CADPS: variants seen among roughly 807,000 people sequenced by gnomAD.
CADPS encodes calcium dependent secretion activator.
A neutral mutation model predicts 167.3 loss-of-function variants in CADPS; 57 were observed. The ratio of observed to expected loss-of-function variants is 0.34; its 90% CI spans 0.28 to 0.42. The LOEUF (loss-of-function observed/expected upper bound fraction) is 0.42. Among genes scored for constraint, CADPS ranks in the 20% least tolerant of loss-of-function variants. CADPS has a pLI of 1.00. For synonymous variants in CADPS, 676 were observed against 635.3 expected (o/e 1.06, Z -0.96); for missense variants, 1,414 against 1,738.1 (o/e 0.81, Z 3.32).
chr3:62,491,254 C>A (rs1020082845), intron 21 of CADPS, 85 bp downstream of exon 21: 1 of 1,348,176 alleles, frequency 7.4e-7, no homozygotes, highest in South Asian at 1.3e-5. Flanking sequence ...ACAGTGAAAC[C>A]CATATGACAT....
rs1300746155 is a variant in CADPS at position 62,790,365 on chromosome 3, T to C, written c.442-24381A>G. ...ACTACTGATACAAGAGAAATTACTT[T>C]ATAAATATTGTAGCCCTATTCATTT... On this transcript the variant is annotated intron_variant, in intron 1 of 29. Coordinates refer to ENST00000383710, the MANE Select transcript of CADPS (RefSeq NM_003716.4). 2.0e-5 allele frequency among the ~76,000 whole-genome samples: 3 copies of C among 152,216 alleles called. No individual in the cohort carries two copies. The East Asian group carries it at 5.8e-4, about 29-fold the overall frequency.
chr3:62,567,774 C>G (rs1056621723), intron 9 of CADPS, among the ~76,000 whole-genome samples: 1 of 151,682 alleles, frequency 6.6e-6, no homozygotes, highest in East Asian at 1.9e-4. Context: ...GGGTTTTCAC[C>G]ATGTTGCCCA....
chr3:62,703,033 T>C (rs2081688410), intron 3 of CADPS, among the ~76,000 whole-genome samples: 1 of 152,126 alleles, frequency 6.6e-6, no homozygotes, highest in South Asian at 2.1e-4. Context: ...CCGGAGCCCA[T>C]GTTCTCGACT....
chr3:62,612,213 G>A (rs2061599722), intron 6 of CADPS, among the ~76,000 whole-genome samples: 1 of 152,020 alleles, frequency 6.6e-6, no homozygotes, highest in African/African-American at 2.4e-5. Context: ...AAATTATTTG[G>A]GCTTCAGTTT....
intron 1 of CADPS, among the ~76,000 whole-genome samples, chr3:62,837,465 G>C (rs1194616655): frequency 6.6e-6 from 1 of 152,184 alleles, no homozygotes; most frequent in African/African-American, 2.4e-5. Context: ...GTCCAAAAAA[G>C]AAAGATGGAG....
At chr3:62,559,485 G>A (rs1034056229) in intron 9 of CADPS, among the ~76,000 whole-genome samples, 20 of 151,898 alleles carry the variant, frequency 1.3e-4, no homozygotes, top group South Asian at 6.2e-4. Context: ...CTGCTGGAAC[G>A]GTCCCATGGG....
At chr3:62,404,819 C>T (rs1433132061) in intron 28 of CADPS, 1 of 142,818 alleles carries the variant, frequency 7.0e-6, no homozygotes, top group Non-Finnish European at 1.5e-5. Flanking sequence ...CAGTTCACTC[C>T]ATGGAGGCAG....
chr3:62,683,038 A>T (rs565265563), intron 3 of CADPS, among the ~76,000 whole-genome samples: 2 of 152,062 alleles, frequency 1.3e-5, no homozygotes, highest in African/African-American at 2.4e-5. Context: ...GCCAGAGGAA[A>T]TGTTGGAAGC....
rs1010611295 is a variant in CADPS at position 62,446,180 on chromosome 3, T to C, written c.3637-383A>G. 3.9e-5 allele frequency among the ~76,000 whole-genome samples: 6 copies of C among 152,214 alleles called. No individual in the cohort carries two copies. The highest frequency in any genetic ancestry group is 7.4e-5 in the Non-Finnish European group (5 of 68,022). On this transcript the variant is annotated intron_variant, in intron 26 of 29. Transcript: ENST00000383710. The surrounding 1 kb of genome is among the most constrained non-coding windows in gnomAD (Gnocchi z 4.9). ...ACCTTGGGTCTTTGTGTAATTTGGCTGCAGGTTGTCCTAACTAAATAACTA... is the reference window on the plus strand; with the variant it reads ...ACCTTGGGTCTTTGTGTAATTTGGCCGCAGGTTGTCCTAACTAAATAACTA...
At position 62,575,534 on chromosome 3, in the gene CADPS, T is replaced by C. The variant is rs528875508; in HGVS notation, c.1578-4596A>G. 3.9e-5 allele frequency among the ~76,000 whole-genome samples: 6 copies of C among 152,344 alleles called. No homozygotes were observed. In the South Asian group the frequency reaches 1.2e-3, roughly 32 times the overall value. On this transcript the variant is annotated intron_variant, in intron 8 of 29. Coordinates refer to ENST00000383710, the MANE Select transcript of CADPS (RefSeq NM_003716.4). The stretch of plus-strand genomic sequence containing the variant: ...GCTTAGAACAATAGCTAGCTTAAAG[T>C]AAATACTTGCTATTAGATATATCAT...
chr3:62,684,056 A>C (rs190842086), intron 3 of CADPS, among the ~76,000 whole-genome samples: 134 of 152,156 alleles, frequency 8.8e-4, no homozygotes, highest in South Asian at 7.5e-3. Flanking sequence ...GAAGTAAGTT[A>C]CTACATGGAG....
intron 6 of CADPS, among the ~76,000 whole-genome samples, chr3:62,607,830 T>G (rs990353392): frequency 6.6e-6 from 1 of 152,170 alleles, no homozygotes; most frequent in Non-Finnish European, 1.5e-5. Context: ...TTGGTCTTTA[T>G]TTTCTCTTTT....
chr3:62,505,975 A>T (rs1165278333), intron 17 of CADPS, among the ~76,000 whole-genome samples: 2 of 152,226 alleles, frequency 1.3e-5, no homozygotes, highest in African/African-American at 4.8e-5. Flanking sequence ...AGGAATTCTT[A>T]TCTCTTATCC....
chr3:62,530,486 T>A (rs1358962011), intron 13 of CADPS, among the ~76,000 whole-genome samples: 2 of 152,014 alleles, frequency 1.3e-5, no homozygotes, highest in Non-Finnish European at 2.9e-5. Flanking sequence ...ACACGGTATT[T>A]TTGCCCATTG....
chr3:62,853,453 CT>C (rs1262613723), intron 1 of CADPS, among the ~76,000 whole-genome samples: 2 of 151,154 alleles, frequency 1.3e-5, no homozygotes, highest in East Asian at 3.9e-4. Context: ...GGTGAAACCC[CT>C]CTCTACTAAA....
At position 62,873,617 on chromosome 3, in the gene CADPS, C is replaced by CTTTTTT. The variant is rs3047307; in HGVS notation, c.441+966_441+971dup. Among the ~76,000 whole-genome samples the CTTTTTT allele has an allele frequency of 7.2e-3, 956 of 132,274 alleles. 18 individuals carry two copies. Among genetic ancestry groups the CTTTTTT allele is most frequent in the South Asian group, 0.015 (59 of 3,900 alleles). 86.8% of individuals were successfully genotyped at this position (132,274 alleles called of 152,430 possible). A position where few individuals can be genotyped will look rare whatever the true frequency, so the allele number is the denominator to read the frequency against. On this transcript the variant is annotated intron_variant, in intron 1 of 29. Transcript: ENST00000383710. Reference sequence around the variant, plus strand: ...AAGAACAGCTGATAGAAATAGGCGCCTTTTTTTTTTTTTTTTTAACATCAA... The same window carrying CTTTTTT: ...AAGAACAGCTGATAGAAATAGGCGCCTTTTTTTTTTTTTTTTTTTTTTTAACATCAA...
Position 62,549,938 on chromosome 3 carries a change from T to C in CADPS, c.1931A>G (p.Asn644Ser). Residue 644 changes from asparagine (N) to serine (S), a missense_variant, in exon 11 of 30, where the codon AAT becomes AGT. Around this residue, in one of 6 missense-constraint regions of CADPS, gnomAD observed 529 missense variants for 629.6 expected, o/e 0.84. Coordinates refer to ENST00000383710, the MANE Select transcript of CADPS (RefSeq NM_003716.4). ...GATAGGGGCATCCAGCTGAGGTACATTTCCTCCCTTGGCGTTGAGTTTCTG... is the reference window on the plus strand; with the variant it reads ...GATAGGGGCATCCAGCTGAGGTACACTTCCTCCCTTGGCGTTGAGTTTCTG... ...QVQKLNAKGG[N>S]VPQLDAPISQ... 6.2e-7 allele frequency: 1 copy of C among 1,614,098 alleles called. No homozygotes were observed. Among genetic ancestry groups the C allele is most frequent in the Non-Finnish European group, 8.5e-7 (1 of 1,179,968 alleles).
chr3:62,656,074 T>C (rs2071488578), intron 4 of CADPS, among the ~76,000 whole-genome samples: 1 of 152,186 alleles, frequency 6.6e-6, no homozygotes, highest in Non-Finnish European at 1.5e-5. Flanking sequence ...TGAATTTTGG[T>C]TCCCACATTT....
chr3:62,530,659 C>T, intron 13 of CADPS: 5 of 1,287,078 alleles, frequency 3.9e-6, no homozygotes, highest in Non-Finnish European at 5.1e-6. Context: ...CTTACCTTTT[C>T]AGCTCTTGAT....
Sources: allele counts gnomAD v4.1 joint callset (sites outside exome capture counted in the v4.1 genomes callset), GRCh38; gene constraint gnomAD v4.1.1; regional missense constraint gnomAD v4.1.1; non-coding constraint Gnocchi (gnomAD v3.1); transcripts MANE v1.5; gene names NCBI Gene and HGNC (gene_info 2026-07-23, HGNC 2026-07-21).